THSD4: variants seen among roughly 807,000 people sequenced by gnomAD.
The protein encoded by THSD4 is thrombospondin type 1 domain containing 4, also known as thrombospondin type-1 domain-containing protein 4.
Under a neutral mutation model 119.0 loss-of-function variants are expected in THSD4, and 69 were observed. The ratio of observed to expected loss-of-function variants is 0.58; its 90% CI spans 0.48 to 0.71. The LOEUF (loss-of-function observed/expected upper bound fraction) is 0.71. THSD4 is among the 30% of genes least tolerant of loss of function. The probability of loss-of-function intolerance (pLI) is 0.00; values close to 1 mark genes in which losing one functional copy is unlikely to be tolerated. For synonymous variants in THSD4, 524 were observed against 540.4 expected (o/e 0.97, Z 0.42); for missense variants, 1,393 against 1,391.1 (o/e 1.00, Z -0.02).
intron 6 of THSD4, among the ~76,000 whole-genome samples, chr15:71,394,001 A>AT (rs2046411392): frequency 6.6e-6 from 1 of 152,086 alleles, no homozygotes; most frequent in South Asian, 2.1e-4. Flanking sequence ...AAAATGTGTT[A>AT]TTTGGTTGTA....
At chr15:71,770,194 GC>G (rs1360724425) in intron 16 of THSD4, among the ~76,000 whole-genome samples, 1 of 132,338 alleles carries the variant, frequency 7.6e-6, no homozygotes, top group Non-Finnish European at 1.6e-5. Context: ...GTTGTTGTGA[GC>G]TGAGATTGCA....
At chr15:71,357,528 C>T (rs374681920) in intron 6 of THSD4, among the ~76,000 whole-genome samples, 3 of 152,302 alleles carry the variant, frequency 2.0e-5, no homozygotes, top group South Asian at 2.1e-4. Context: ...TGCCAGGTTT[C>T]GAGAAAGTAT....
intron 6 of THSD4, among the ~76,000 whole-genome samples, chr15:71,313,571 C>A (rs996377141): frequency 2.0e-5 from 3 of 152,154 alleles, no homozygotes; most frequent in Non-Finnish European, 4.4e-5. Context: ...ATAGGTGCAG[C>A]AAACCACCAT....
At chr15:71,654,037 T>C (rs934831064) in intron 7 of THSD4, among the ~76,000 whole-genome samples, 10 of 152,250 alleles carry the variant, frequency 6.6e-5, no homozygotes, top group African/African-American at 2.4e-4. Context: ...CTAAATATTT[T>C]AGGCTTTGTC....
chr15:71,393,398 C>T (rs1566967309), intron 6 of THSD4, among the ~76,000 whole-genome samples: 2 of 152,056 alleles, frequency 1.3e-5, no homozygotes, highest in African/African-American at 2.4e-5. Flanking sequence ...ACTTTCCATA[C>T]TTGCCATGTA....
intron 7 of THSD4, among the ~76,000 whole-genome samples, chr15:71,630,368 C>T (rs1183089863): frequency 6.6e-6 from 1 of 152,154 alleles, no homozygotes; most frequent in Non-Finnish European, 1.5e-5. Context: ...TCAGTATACT[C>T]TGAAAACACA....
chr15:71,428,516 T>C (rs1385948485), intron 7 of THSD4, among the ~76,000 whole-genome samples: 2 of 152,198 alleles, frequency 1.3e-5, no homozygotes, highest in East Asian at 1.9e-4. Flanking sequence ...TGAGTGAAGA[T>C]GTGAAGGAAA....
intron 3 of THSD4, among the ~76,000 whole-genome samples, chr15:71,210,032 T>C (rs1014073407): frequency 2.6e-5 from 4 of 152,214 alleles, no homozygotes; most frequent in African/African-American, 9.7e-5. Flanking sequence ...ATGTCTTTAT[T>C]ATCAGCATGA....
chr15:71,674,519 G>T (rs1259202695), intron 8 of THSD4, among the ~76,000 whole-genome samples: 1 of 152,204 alleles, frequency 6.6e-6, no homozygotes, highest in Non-Finnish European at 1.5e-5. Flanking sequence ...GAGGCATGCT[G>T]TGTGAGGCAT....
At position 71,413,303 on chromosome 15, in the gene THSD4, G is replaced by A. The variant is rs554433697; in HGVS notation, c.1152+1480G>A. Among the ~76,000 whole-genome samples the A allele has an allele frequency of 1.6e-4, 25 of 152,312 alleles. No homozygotes were observed. In the South Asian group the frequency reaches 3.5e-3, roughly 21 times the overall value. Reference sequence around the variant, plus strand: ...GTTGGGTTTACAGGCGTGAGCCACCGCACCCAGCTTCTACTCTTTTAGTTT... The same window carrying A: ...GTTGGGTTTACAGGCGTGAGCCACCACACCCAGCTTCTACTCTTTTAGTTT... On this transcript the variant is annotated intron_variant, in intron 7 of 17. Transcript: ENST00000261862.
At chr15:71,567,044 C>T (rs927126483) in intron 7 of THSD4, among the ~76,000 whole-genome samples, 1 of 152,146 alleles carries the variant, frequency 6.6e-6, no homozygotes, top group Non-Finnish European at 1.5e-5. Flanking sequence ...ATTGGCCCAA[C>T]TTCGCATAGC....
chr15:71,571,604 G>C (rs910604075), intron 7 of THSD4, among the ~76,000 whole-genome samples: 1 of 152,162 alleles, frequency 6.6e-6, no homozygotes, highest in Non-Finnish European at 1.5e-5. Context: ...TTAGCCCCTA[G>C]AACACATTTT....
chr15:71,692,431 T>C (rs1179645145), intron 8 of THSD4, among the ~76,000 whole-genome samples: 4 of 152,234 alleles, frequency 2.6e-5, no homozygotes, highest in African/African-American at 7.2e-5. Context: ...GCAGGACATA[T>C]ATTCTTCCAC....
intron 8 of THSD4, among the ~76,000 whole-genome samples, chr15:71,687,741 G>T (rs1450761365): frequency 3.2e-5 from 4 of 126,462 alleles, no homozygotes; most frequent in African/African-American, 1.2e-4. Context: ...GGCAACAAGA[G>T]TGAAACTCTG....
chr15:71,449,628 C>A (rs1280013167), intron 7 of THSD4, among the ~76,000 whole-genome samples: 1 of 149,122 alleles, frequency 6.7e-6, no homozygotes, highest in East Asian at 2.0e-4. Flanking sequence ...ACATGAAAGT[C>A]ACACAGGACA....
intron 14 of THSD4, among the ~76,000 whole-genome samples, chr15:71,755,667 C>T (rs1463610832): frequency 2.6e-5 from 3 of 117,566 alleles, no homozygotes; most frequent in African/African-American, 6.5e-5. Context: ...AGAGATGATT[C>T]GTTAGTTCCT....
At chr15:71,602,266 G>A (rs1010616965) in intron 7 of THSD4, among the ~76,000 whole-genome samples, 8 of 151,948 alleles carry the variant, frequency 5.3e-5, no homozygotes, top group African/African-American at 1.9e-4. Context: ...TTTGAAAAAT[G>A]GTCTCGGCCA....
chr15:71,199,103 A>G (rs1207280028), intron 3 of THSD4, among the ~76,000 whole-genome samples: 2 of 152,168 alleles, frequency 1.3e-5, no homozygotes, highest in Non-Finnish European at 2.9e-5. Context: ...TGGACTCTGC[A>G]TGGATGCCAC....
chr15:71,565,196 T>C (rs2049210416), intron 7 of THSD4, among the ~76,000 whole-genome samples: 1 of 152,224 alleles, frequency 6.6e-6, no homozygotes, highest in Non-Finnish European at 1.5e-5. Flanking sequence ...GAGATAAATG[T>C]GCTGATTGCC....
Sources: gnomAD v4.1 joint callset for allele counts (sites outside exome capture counted in the v4.1 genomes callset) on GRCh38, gnomAD v4.1.1 for gene constraint, MANE v1.5 for transcripts, NCBI Gene and HGNC (gene_info 2026-07-23, HGNC 2026-07-21) for gene names.